CAST: variants seen among roughly 807,000 people sequenced by gnomAD.
CAST encodes the protein calpastatin, also known as MIR583 host.
A neutral mutation model predicts 119.6 loss-of-function variants in CAST; 76 were observed. The ratio of observed to expected loss-of-function variants is 0.64; its 90% CI spans 0.53 to 0.77. The LOEUF is 0.77. Among genes scored for constraint, CAST ranks in the 30% least tolerant of loss-of-function variants. The probability of loss-of-function intolerance (pLI) is 0.00; values close to 1 mark genes in which losing one functional copy is unlikely to be tolerated. For synonymous variants in CAST, 319 were observed against 331.6 expected (o/e 0.96, Z 0.41); for missense variants, 953 against 946.5 (o/e 1.01, Z -0.09).
intron 2 of CAST, among the ~76,000 whole-genome samples, chr5:96,684,287 T>C (rs892827083): frequency 1.3e-5 from 2 of 152,202 alleles, no homozygotes. Flanking sequence ...TTACCTCCTG[T>C]TATTGTTATT....
intron 1 of CAST, among the ~76,000 whole-genome samples, chr5:96,649,817 A>G (rs569614382): frequency 6.6e-6 from 1 of 152,356 alleles, no homozygotes; most frequent in South Asian, 2.1e-4. Flanking sequence ...AGTTGCATTT[A>G]AACTTCAAGT....
chr5:96,019,706 C>A, the CAST span, among the ~76,000 whole-genome samples: 1 of 152,152 alleles, frequency 6.6e-6, no homozygotes, highest in African/African-American at 2.4e-5. Flanking sequence ...AATTCATGTT[C>A]TACTTTAGTC....
chr5:96,166,702 G>A, the CAST span, among the ~76,000 whole-genome samples: 2,436 of 152,296 alleles, frequency 0.016, 52 homozygotes, highest in African/African-American at 0.055. Flanking sequence ...TGGCAATCAT[G>A]AGGTTCATTT....
At chr5:96,047,940 A>T in the CAST span, among the ~76,000 whole-genome samples, 6 of 152,204 alleles carry the variant, frequency 3.9e-5, no homozygotes, top group African/African-American at 1.4e-4. Context: ...AGAAGGCATG[A>T]AAAAGAGGGA....
the CAST span, among the ~76,000 whole-genome samples, chr5:96,176,001 C>T: frequency 1.3e-5 from 2 of 152,158 alleles, no homozygotes; most frequent in Middle Eastern, 3.2e-3. Context: ...TGGGTAAGTG[C>T]TACCATAGCG....
the CAST span, among the ~76,000 whole-genome samples, chr5:96,199,615 A>C: frequency 6.6e-6 from 1 of 152,186 alleles, no homozygotes; most frequent in South Asian, 2.1e-4. Flanking sequence ...CATATTACAC[A>C]ATAAGAAAAT....
At chr5:96,619,726 C>A (rs915925752) in intron 1 of CAST, among the ~76,000 whole-genome samples, 2 of 150,662 alleles carry the variant, frequency 1.3e-5, no homozygotes, top group African/African-American at 2.5e-5. Flanking sequence ...AAACTCCAGG[C>A]ACACCATCTT....
chr5:96,699,124 GT>G (rs1753613186), intron 3 of CAST, among the ~76,000 whole-genome samples: 1 of 152,196 alleles, frequency 6.6e-6, no homozygotes, highest in Non-Finnish European at 1.5e-5. Context: ...TGGTAAATCA[GT>G]AGTGAAGATG....
the CAST span, among the ~76,000 whole-genome samples, chr5:96,513,576 A>G: frequency 1.3e-5 from 2 of 152,174 alleles, no homozygotes; most frequent in African/African-American, 4.8e-5. Flanking sequence ...GGGTATAAAT[A>G]CAAATTCCTA....
the CAST span, among the ~76,000 whole-genome samples, chr5:96,068,591 T>TTG: frequency 8.3e-6 from 1 of 120,284 alleles, no homozygotes; most frequent in Non-Finnish European, 1.7e-5. Flanking sequence ...ACCAATAGGA[T>TTG]TATGTGTGTG....
intron 1 of CAST, among the ~76,000 whole-genome samples, chr5:96,594,503 A>G (rs2150192486): frequency 1.3e-5 from 2 of 152,362 alleles, no homozygotes; most frequent in East Asian, 3.9e-4. Flanking sequence ...ATTTAAAACC[A>G]GCGTTGTAGA....
chr5:96,371,589 C>T, the CAST span, among the ~76,000 whole-genome samples: 1 of 152,208 alleles, frequency 6.6e-6, no homozygotes, highest in Non-Finnish European at 1.5e-5. Flanking sequence ...TTAGGAGGCT[C>T]TCTGTCTCTT....
chr5:96,273,663 G>A, the CAST span, among the ~76,000 whole-genome samples: 11 of 152,264 alleles, frequency 7.2e-5, no homozygotes, highest in Non-Finnish European at 1.2e-4. Context: ...AATTGCTTGC[G>A]TAGATATTTT....
intron 3 of CAST, chr5:96,702,752 G>A: frequency 2.0e-6 from 2 of 985,110 alleles, no homozygotes; most frequent in Non-Finnish European, 2.4e-6. Flanking sequence ...CCGGGCAGGG[G>A]GGCGGGGAGC....
At chr5:96,257,863 C>G in the CAST span, among the ~76,000 whole-genome samples, 3 of 152,222 alleles carry the variant, frequency 2.0e-5, no homozygotes, top group Non-Finnish European at 4.4e-5. Flanking sequence ...AAGGCGCACT[C>G]TTTTTGCCAT....
At chr5:95,984,643 T>G in the CAST span, among the ~76,000 whole-genome samples, 1 of 152,150 alleles carries the variant, frequency 6.6e-6, no homozygotes, top group African/African-American at 2.4e-5. Context: ...TAATATATAT[T>G]TTTTGGCAGC....
At chr5:96,274,450 C>A in the CAST span, among the ~76,000 whole-genome samples, 24 of 152,090 alleles carry the variant, frequency 1.6e-4, no homozygotes, top group Admixed American at 1.3e-4. Context: ...AAAATTTTAC[C>A]AAAACCATGA....
chr5:96,430,650 G>C, the CAST span, among the ~76,000 whole-genome samples: 1 of 152,120 alleles, frequency 6.6e-6, no homozygotes, highest in Non-Finnish European at 1.5e-5. Flanking sequence ...AACAAAAAGA[G>C]AAATAAGCAG....
the CAST span, among the ~76,000 whole-genome samples, chr5:96,260,270 C>G: frequency 6.6e-6 from 1 of 152,144 alleles, no homozygotes; most frequent in Non-Finnish European, 1.5e-5. Context: ...AACCGGAGAG[C>G]AAGGCTGATC....
Sources: gnomAD v4.1 joint callset for allele counts (sites outside exome capture counted in the v4.1 genomes callset) on GRCh38, gnomAD v4.1.1 for gene constraint, MANE v1.5 for transcripts, NCBI Gene and HGNC (gene_info 2026-07-23, HGNC 2026-07-21) for gene names.